Variants in HLCS observed in about 807,000 individuals in gnomAD.
HLCS encodes biotin--protein ligase.
HLCS carries 53 observed loss-of-function variants against 75.0 expected under a neutral mutation model. The ratio of observed to expected loss-of-function variants is 0.71; its 90% CI spans 0.57 to 0.89. HLCS has a LOEUF of 0.89. Ranked by LOEUF, HLCS falls within the 40% of genes least tolerant of loss-of-function variation. The pLI is 0.00. For missense variants in HLCS, 966 were observed against 1,074.0 expected (o/e 0.90, Z 1.41); for synonymous variants, 431 against 428.6 (o/e 1.01, Z -0.07).
chr21:36,772,447 G>A (rs1317917296), intron 6 of HLCS, among the ~76,000 whole-genome samples: 2 of 151,662 alleles, frequency 1.3e-5, no homozygotes, highest in African/African-American at 4.8e-5. Flanking sequence ...GAGCAGCTTA[G>A]GCCACATGGC....
chr21:36,831,557 C>A (rs1301316579), intron 6 of HLCS, among the ~76,000 whole-genome samples: 1 of 152,092 alleles, frequency 6.6e-6, no homozygotes, highest in Non-Finnish European at 1.5e-5. Context: ...GTGGCATGCA[C>A]CTGTAGTCCC....
chr21:36,781,767 G>A (rs779192424), intron 6 of HLCS, among the ~76,000 whole-genome samples: 67 of 152,182 alleles, frequency 4.4e-4, no homozygotes, highest in Admixed American at 1.0e-3. Flanking sequence ...GGAGACAGTG[G>A]GCCTCCTTGC....
intron 2 of HLCS, among the ~76,000 whole-genome samples, chr21:36,941,938 C>G (rs2067160338): frequency 6.6e-6 from 1 of 151,846 alleles, no homozygotes; most frequent in Non-Finnish European, 1.5e-5. Context: ...ACCCGGGAGG[C>G]AGAGGTTGCA....
At chr21:36,828,428 T>A (rs776275017) in intron 6 of HLCS, among the ~76,000 whole-genome samples, 46 of 152,190 alleles carry the variant, frequency 3.0e-4, no homozygotes, top group Non-Finnish European at 5.3e-4. Flanking sequence ...TATACTTCAC[T>A]GGAGTCGGCA....
intron 9 of HLCS, among the ~76,000 whole-genome samples, chr21:36,757,712 T>C (rs2089658612): frequency 6.6e-6 from 1 of 152,164 alleles, no homozygotes; most frequent in Non-Finnish European, 1.5e-5. Flanking sequence ...TAAAACAATA[T>C]ACTGGCTATT....
chr21:36,847,388 A>C (rs1478555148), intron 6 of HLCS, among the ~76,000 whole-genome samples: 1 of 152,226 alleles, frequency 6.6e-6, no homozygotes, highest in Non-Finnish European at 1.5e-5. Context: ...GTTTCTATGA[A>C]TCATTGAAAA....
At chr21:36,823,094 G>A (rs1325132606) in intron 6 of HLCS, among the ~76,000 whole-genome samples, 2 of 152,082 alleles carry the variant, frequency 1.3e-5, no homozygotes, top group African/African-American at 2.4e-5. Context: ...CTAAGACCCC[G>A]CTGATGGTAG....
chr21:36,750,414 C>A lies in HLCS; in HGVS notation c.*3832G>T, dbSNP rs2089329860. ...CCATTCCATTCATACCTTTGTAGAG[C>A]AGTGGGCTGGGTGTGGAGGGCAGCG... On this transcript the variant is annotated 3_prime_UTR_variant, in exon 11 of 11. Transcript: ENST00000674895. Among the ~76,000 whole-genome samples the A allele has an allele frequency of 1.3e-5, 2 of 152,198 alleles. No homozygotes were observed. Among genetic ancestry groups the A allele is most frequent in the Non-Finnish European group, 2.9e-5 (2 of 68,040 alleles).
chr21:36,961,944 A>G (rs2068313503), intron 2 of HLCS, 92 bp downstream of exon 2: 4 of 745,616 alleles, frequency 5.4e-6, no homozygotes, highest in Non-Finnish European at 7.5e-6. Context: ...ACAGAGCAAG[A>G]CTCTGTCTCA....
At chr21:36,816,703 G>C (rs541350759) in intron 6 of HLCS, among the ~76,000 whole-genome samples, 9 of 152,176 alleles carry the variant, frequency 5.9e-5, no homozygotes, top group Non-Finnish European at 1.3e-4. Flanking sequence ...GAAATGTGTT[G>C]TAGATATAGA....
At chr21:36,981,390 C>T (rs971113414) in intron 1 of HLCS, among the ~76,000 whole-genome samples, 1 of 142,528 alleles carries the variant, frequency 7.0e-6, no homozygotes, top group Non-Finnish European at 1.5e-5. Flanking sequence ...TAACTCTTAA[C>T]CTTCCTTTTT....
chr21:36,927,309 G>A (rs1190108585), intron 5 of HLCS, among the ~76,000 whole-genome samples: 1 of 152,206 alleles, frequency 6.6e-6, no homozygotes, highest in Non-Finnish European at 1.5e-5. Flanking sequence ...GGAATCACAC[G>A]CTACCATGGT....
chr21:36,817,316 TG>T (rs2061692387), intron 6 of HLCS, among the ~76,000 whole-genome samples: 2 of 152,234 alleles, frequency 1.3e-5, no homozygotes, highest in South Asian at 4.1e-4. Context: ...TGTTCTTCCC[TG>T]TAAAACTGAG....
intron 6 of HLCS, among the ~76,000 whole-genome samples, chr21:36,862,443 C>A (rs891287804): frequency 6.6e-6 from 1 of 152,146 alleles, no homozygotes; most frequent in African/African-American, 2.4e-5. Context: ...CACATCCTTG[C>A]GAATACTTGT....
chr21:36,751,906 C>A lies in HLCS; in HGVS notation c.*2340G>T, dbSNP rs1285218114. ...CACACGCCAATCCTGAGTTTAGTGA[C>A]CACATTTTAAAGATCATCAGGAAAA... On this transcript the variant is annotated 3_prime_UTR_variant, in exon 11 of 11. Transcript: ENST00000674895. The A allele has an allele frequency of 6.6e-6, 1 of 152,178 alleles. No individual in the cohort carries two copies. Among genetic ancestry groups the A allele is most frequent in the Non-Finnish European group, 1.5e-5 (1 of 68,042 alleles). The allele number at this position is 152,178 out of a possible 1,614,324, so 9.4% of individuals were successfully genotyped here. A position where few individuals can be genotyped will look rare whatever the true frequency, so the allele number is the denominator to read the frequency against.
intron 6 of HLCS, among the ~76,000 whole-genome samples, chr21:36,767,903 ATT>A (rs1249321226): frequency 6.6e-6 from 1 of 152,216 alleles, no homozygotes; most frequent in Admixed American, 6.5e-5. Flanking sequence ...AAATGGTTTC[ATT>A]GAAAAGAATA....
chr21:36,777,016 A>G (rs1186972933), intron 6 of HLCS, among the ~76,000 whole-genome samples: 7 of 152,146 alleles, frequency 4.6e-5, no homozygotes, highest in Admixed American at 1.3e-4. Context: ...CTTCCCCAAC[A>G]GTTTCCTTAT....
chr21:36,975,480 G>A (rs569695404), intron 1 of HLCS, among the ~76,000 whole-genome samples: 31 of 152,166 alleles, frequency 2.0e-4, no homozygotes, highest in African/African-American at 6.7e-4. Flanking sequence ...AAAGCACAGC[G>A]CTCATCCCAT....
At position 36,852,712 on chromosome 21, in the gene HLCS, G is replaced by A. The variant is rs1049791807; in HGVS notation, c.1892+44148C>T. ...GTACATCTGCCTCTAAAGCCTGATC[G>A]TTAAGCCATATTCTAAGACCTTGAG... is the stretch of plus-strand genomic sequence containing the variant. On this transcript the variant is annotated intron_variant, in intron 6 of 10. Coordinates refer to ENST00000674895, the MANE Select transcript of HLCS (RefSeq NM_001352514.2). Among the ~76,000 whole-genome samples the A allele has an allele frequency of 7.2e-5, 11 of 152,230 alleles. No individual in the cohort carries two copies. In the East Asian group the frequency reaches 9.6e-4, roughly 13 times the overall value.
Sources: allele counts gnomAD v4.1 joint callset (sites outside exome capture counted in the v4.1 genomes callset), GRCh38; gene constraint gnomAD v4.1.1; transcripts MANE v1.5; gene names NCBI Gene and HGNC (gene_info 2026-07-23, HGNC 2026-07-21).